The following PTPRB variants were observed in gnomAD, a reference collection of about 807,000 sequenced individuals.
PTPRB encodes protein tyrosine phosphatase receptor type B.
In PTPRB, 97 loss-of-function variants were observed where a neutral mutation model predicts 238.1. The observed-to-expected ratio is 0.41, with a 90% confidence interval of 0.35 to 0.48. The LOEUF (loss-of-function observed/expected upper bound fraction) is 0.48, where lower values mean the gene tolerates loss of function less well. Ranked by LOEUF, PTPRB falls within the 20% of genes least tolerant of loss-of-function variation. The pLI, the probability that PTPRB is intolerant of heterozygous loss-of-function variation, is 0.30. For synonymous variants in PTPRB, 970 were observed against 995.4 expected (o/e 0.97, Z 0.48); for missense variants, 2,292 against 2,681.9 (o/e 0.85, Z 3.21).
Position 70,558,598 on chromosome 12 carries a change from G to A in PTPRB, c.4714+745C>T, listed in dbSNP as rs193099134. 1.1e-4 allele frequency among the ~76,000 whole-genome samples: 17 copies of A among 152,230 alleles called. 1 individual carries two copies. Among genetic ancestry groups the A allele is most frequent in the Middle Eastern group, 6.8e-3 (2 of 294 alleles). On this transcript the variant is annotated intron_variant, in intron 18 of 33. Coordinates refer to ENST00000334414, the MANE Select transcript of PTPRB (RefSeq NM_001109754.4). ...GGAAGAAACTGGTATATGCTTCGTCGTCGAAGTATTTTTATCTCAGGGACA... is the reference window on the plus strand; with the variant it reads ...GGAAGAAACTGGTATATGCTTCGTCATCGAAGTATTTTTATCTCAGGGACA...
At position 70,594,695 on chromosome 12, in the gene PTPRB, A is replaced by T; in HGVS notation, c.1288T>A (p.Ser430Thr). 6.2e-7 allele frequency: 1 copy of T among 1,614,018 alleles called. No homozygotes were observed. Among genetic ancestry groups the T allele is most frequent in the Non-Finnish European group, 8.5e-7 (1 of 1,179,872 alleles). The change falls in exon 6 of 34, where the codon TCC becomes ACC. Residue 430 changes from serine to threonine, a missense_variant. Ser to Thr is a moderately conservative substitution (Grantham distance 58, BLOSUM62 1). Coordinates refer to ENST00000334414, the MANE Select transcript of PTPRB (RefSeq NM_001109754.4). ...VPSPVKDIGI[S>T]TKANSLLISW... ...ATCAGGAGAGAATTGGCTTTTGTGG[A>T]AATACCAATATCTTTCACTGGAGAT... is the stretch of plus-strand genomic sequence containing the variant.
intron 4 of PTPRB, among the ~76,000 whole-genome samples, chr12:70,607,376 T>A (rs995891519): frequency 1.3e-5 from 2 of 152,162 alleles, no homozygotes; most frequent in African/African-American, 2.4e-5. Context: ...TGTTATGTAT[T>A]TCACAGTATT....
intron 33 of PTPRB, 102 bp from the exon 34 acceptor site, chr12:70,521,613 T>C (rs1023505946): frequency 3.6e-5 from 35 of 977,574 alleles, no homozygotes; most frequent in Middle Eastern, 2.2e-4. Flanking sequence ...CAGAAACATA[T>C]AGCTCAACCT....
intron 4 of PTPRB, among the ~76,000 whole-genome samples, chr12:70,600,547 T>A (rs1565998947): frequency 6.6e-6 from 1 of 152,238 alleles, no homozygotes; most frequent in Non-Finnish European, 1.5e-5. Context: ...GTAACAACAG[T>A]AGTAACAGCT....
chr12:70,556,224 T>C (rs1877658320), intron 18 of PTPRB, 76 bp from the exon 19 acceptor site: 1 of 1,318,100 alleles, frequency 7.6e-7, no homozygotes, highest in Non-Finnish European at 1.0e-6. Flanking sequence ...TGGGTCCAAC[T>C]AGCTCTGAGA....
intron 3 of PTPRB, among the ~76,000 whole-genome samples, chr12:70,609,607 G>T (rs568071490): frequency 1.3e-5 from 2 of 152,148 alleles, no homozygotes; most frequent in African/African-American, 4.8e-5. Flanking sequence ...TGGGTTGGGG[G>T]GCTCACCAGA....
intron 22 of PTPRB, among the ~76,000 whole-genome samples, chr12:70,543,964 G>A (rs1175515676): frequency 6.6e-6 from 1 of 152,202 alleles, no homozygotes; most frequent in Non-Finnish European, 1.5e-5. Context: ...TCTCCATAGA[G>A]AAGGTGAACA....
In PTPRB at chr12:70,518,491, TATACTC is replaced by T. The variant is rs1419439252; in HGVS notation, c.*2992_*2997del. On this transcript the variant is annotated 3_prime_UTR_variant, in exon 34 of 34. Transcript: ENST00000334414. ...GTGGAACCTGAAAGGACTATGAAAT[TATACTC>T]ATGGGTATAAAAGATAATATGAACA... The T allele has an allele frequency of 1.3e-5, 2 of 152,196 alleles. No individual in the cohort carries two copies. The highest frequency in any genetic ancestry group is 4.8e-5 in the African/African-American group (2 of 41,442). The allele number at this position is 152,196 out of a possible 1,614,324, so 9.4% of individuals were successfully genotyped here.
intron 32 of PTPRB, among the ~76,000 whole-genome samples, chr12:70,526,823 A>G (rs1243488202): frequency 3.3e-5 from 5 of 152,120 alleles, no homozygotes; most frequent in Non-Finnish European, 7.3e-5. Context: ...CTGTGAATGA[A>G]CTCTAGTGCA....
rs944517069 is a variant in PTPRB, at chr12:70,519,440, C to G, written c.*2049G>C. The G allele has an allele frequency of 6.6e-6, 1 of 152,132 alleles. No homozygotes were observed. The highest frequency in any genetic ancestry group is 6.5e-5 in the Admixed American group (1 of 15,272). 9.4% of individuals were successfully genotyped at this position (152,132 alleles called of 1,614,324 possible). Reference sequence around the variant, plus strand: ...TCAATTGAAGGTAGTAACAACAATCCTAACTTTATGAGGATTCTCTTTATG... The same window carrying G: ...TCAATTGAAGGTAGTAACAACAATCGTAACTTTATGAGGATTCTCTTTATG... On this transcript the variant is annotated 3_prime_UTR_variant, in exon 34 of 34. Coordinates refer to ENST00000334414, the MANE Select transcript of PTPRB (RefSeq NM_001109754.4).
chr12:70,609,943 G>T, intron 3 of PTPRB: 2 of 755,998 alleles, frequency 2.6e-6, no homozygotes, highest in Non-Finnish European at 3.7e-6. Flanking sequence ...TTCCCTCGGG[G>T]CTGGCGACGC....
At chr12:70,587,817 T>C (rs1482495212) in intron 8 of PTPRB, among the ~76,000 whole-genome samples, 1 of 151,874 alleles carries the variant, frequency 6.6e-6, no homozygotes, top group Admixed American at 6.6e-5. Context: ...GAATAAACTG[T>C]TGGTTGGGTG....
chr12:70,531,938 A>C (rs899391592), intron 32 of PTPRB, 97 bp downstream of exon 32: 4 of 1,382,160 alleles, frequency 2.9e-6, no homozygotes, highest in Admixed American at 3.8e-5. Flanking sequence ...AATGTGTCAT[A>C]GTTATTTCCC....
At chr12:70,548,573 AACACAAAG>A (rs1459396043) in intron 21 of PTPRB, among the ~76,000 whole-genome samples, 2 of 152,204 alleles carry the variant, frequency 1.3e-5, no homozygotes, top group African/African-American at 4.8e-5. Flanking sequence ...CACAAGTGTA[AACACAAAG>A]TACTGAATGA....
intron 21 of PTPRB, among the ~76,000 whole-genome samples, chr12:70,545,160 C>T (rs1056571874): frequency 6.6e-6 from 1 of 152,100 alleles, no homozygotes; most frequent in African/African-American, 2.4e-5. Context: ...TGGATGATTC[C>T]ACATGTTCTG....
At chr12:70,531,946 C>T (rs1873311156) in intron 32 of PTPRB, 89 bp downstream of exon 32, 1 of 1,451,298 alleles carries the variant, frequency 6.9e-7, no homozygotes, top group Non-Finnish European at 9.6e-7. Context: ...ATAGTTATTT[C>T]CCCTTGTCAG....
chr12:70,593,301 T>G (rs1046385604), intron 6 of PTPRB, among the ~76,000 whole-genome samples: 1 of 152,010 alleles, frequency 6.6e-6, no homozygotes, highest in South Asian at 2.1e-4. Flanking sequence ...TCACCTGAAG[T>G]CAGGAGTTCA....
At position 70,517,935 on chromosome 12, in the gene PTPRB, TA is replaced by T. The variant is rs1244288215; in HGVS notation, c.*3553del. The T allele has an allele frequency of 6.6e-6, 1 of 152,182 alleles. No individual in the cohort carries two copies. The highest frequency in any genetic ancestry group is 2.4e-5 in the African/African-American group (1 of 41,454). The allele number at this position is 152,182 out of a possible 1,614,324, so 9.4% of individuals were successfully genotyped here. Reference sequence around the variant, plus strand: ...TGTTTAACATAAGAAACTGGATCCTTAAACAGCAAGGCAAGAGAATCAGCAT... The same window carrying T: ...TGTTTAACATAAGAAACTGGATCCTTAACAGCAAGGCAAGAGAATCAGCAT... On this transcript the variant is annotated 3_prime_UTR_variant, in exon 34 of 34. Transcript: ENST00000334414.
In PTPRB at chr12:70,569,843, A is replaced by G. The variant is rs1879804370; in HGVS notation, c.3466T>C (p.Tyr1156His). 4.3e-6 allele frequency: 7 copies of G among 1,614,034 alleles called. No homozygotes were observed. The highest frequency in any genetic ancestry group is 5.9e-6 in the Non-Finnish European group (7 of 1,179,896). Residue 1156 changes from tyrosine to histidine, a missense_variant, in exon 14 of 34, where the codon TAC becomes CAC. Transcript: ENST00000334414. ...WTPGGGDVDS[Y>H]TVSAFRHSQK... ...CTGTGCCTGAATGCCGACACCGTGT[A>G]GGAATCAACGTCTCCCCCACCAGGA... is the stretch of plus-strand genomic sequence containing the variant.
Sources: allele counts gnomAD v4.1 joint callset (sites outside exome capture counted in the v4.1 genomes callset), GRCh38; gene constraint gnomAD v4.1.1; transcripts MANE v1.5; gene names NCBI Gene and HGNC (gene_info 2026-07-23, HGNC 2026-07-21).